GOLGA1: variants seen among roughly 807,000 people sequenced by gnomAD.
GOLGA1 encodes golgin subfamily A member 1.
GOLGA1 carries 63 observed loss-of-function variants against 119.7 expected under a neutral mutation model. The observed-to-expected ratio is 0.53, with a 90% confidence interval of 0.43 to 0.65. The LOEUF (loss-of-function observed/expected upper bound fraction) is 0.65, where lower values mean the gene tolerates loss of function less well. Among genes scored for constraint, GOLGA1 ranks in the 30% least tolerant of loss-of-function variants. The pLI, the probability that GOLGA1 is intolerant of heterozygous loss-of-function variation, is 0.00. For missense variants in GOLGA1, 798 were observed against 912.8 expected (o/e 0.87, Z 1.62); for synonymous variants, 318 against 333.4 (o/e 0.95, Z 0.50).
intron 19 of GOLGA1, 81 bp from the exon 20 acceptor site, chr9:124,882,650 G>T: frequency 8.8e-7 from 1 of 1,131,118 alleles, no homozygotes. Context: ...GATCCCACGG[G>T]ATCCCCTGTA....
chr9:124,916,895 A>C (rs1185541338), intron 10 of GOLGA1, among the ~76,000 whole-genome samples: 1 of 150,030 alleles, frequency 6.7e-6, no homozygotes, highest in Admixed American at 6.7e-5. Context: ...AAAAAAAAAA[A>C]AAAAAAACGA....
chr9:124,941,622 G>T (rs1264702915), upstream of GOLGA1, among the ~76,000 whole-genome samples: 1 of 152,240 alleles, frequency 6.6e-6, no homozygotes, highest in East Asian at 1.9e-4. Context: ...TTTGGCGCCT[G>T]TCACCTACTG....
intron 4 of GOLGA1, among the ~76,000 whole-genome samples, 165 bp downstream of exon 4, chr9:124,931,151 A>G (rs1447884560): frequency 3.3e-5 from 5 of 152,186 alleles, no homozygotes; most frequent in African/African-American, 1.2e-4. Flanking sequence ...AATTTATACT[A>G]TTTACTACAC....
chr9:124,945,937 T>C (rs893175607), upstream of GOLGA1: 26 of 152,106 alleles, frequency 1.7e-4, no homozygotes, highest in Admixed American at 1.4e-3. Context: ...AGTATCAATG[T>C]ATAAGAGCGC....
chr9:124,921,253 A>C lies in GOLGA1; in HGVS notation c.732-13T>G, dbSNP rs1484421261. On this transcript the variant is annotated splice_polypyrimidine_tract_variant and intron_variant, in intron 9 of 22. Transcript: ENST00000373555. The stretch of plus-strand genomic sequence containing the variant: ...TATCACATGATCTCTTCATCAAAAG[A>C]AAGCAGACAATGAACAAATTTGGAT... 23 of 1,504,314 alleles carry C rather than the reference A, an allele frequency of 1.5e-5. No homozygotes were observed. The highest frequency in any genetic ancestry group is 1.7e-4 in the Middle Eastern group (1 of 5,874). The allele number at this position is 1,504,314 out of a possible 1,614,324, so 93.2% of individuals were successfully genotyped here.
intron 8 of GOLGA1, among the ~76,000 whole-genome samples, chr9:124,922,295 G>C (rs1243695830): frequency 1.3e-5 from 2 of 151,862 alleles, no homozygotes; most frequent in Non-Finnish European, 2.9e-5. Flanking sequence ...GCTCACGCCT[G>C]TAATCCCACC....
chr9:124,899,501 T>G, intron 13 of GOLGA1, 23 bp from the exon 14 acceptor site: 1 of 1,539,822 alleles, frequency 6.5e-7, no homozygotes, highest in South Asian at 1.2e-5. Flanking sequence ...CAAAGGACGG[T>G]CAGTCAGGGT....
At chr9:124,933,304 G>T (rs1830806726) in intron 3 of GOLGA1, among the ~76,000 whole-genome samples, 1 of 152,202 alleles carries the variant, frequency 6.6e-6, no homozygotes, top group South Asian at 2.1e-4. Context: ...TGGGAACTTA[G>T]ATTTTGGGAG....
At chr9:124,893,740 G>C (rs1829906274) in intron 15 of GOLGA1, among the ~76,000 whole-genome samples, 1 of 152,118 alleles carries the variant, frequency 6.6e-6, no homozygotes, top group Non-Finnish European at 1.5e-5. Context: ...CTAACTCTGA[G>C]AAACTATGAA....
intron 4 of GOLGA1, among the ~76,000 whole-genome samples, chr9:124,929,946 A>G (rs373261341): frequency 7.2e-5 from 11 of 152,206 alleles, no homozygotes; most frequent in African/African-American, 2.7e-4. Flanking sequence ...CCTTAAGCAA[A>G]TTATTGGTCC....
rs1830054348 is a variant in GOLGA1 at position 124,899,495 on chromosome 9, G to C, written c.1162-17C>G. ...GGCGGCAGCCTGCGGGGAGACCAAA[G>C]GACGGTCAGTCAGGGTGACAATGGT... On this transcript the variant is annotated splice_polypyrimidine_tract_variant and intron_variant, in intron 13 of 22. Transcript: ENST00000373555. 7.8e-6 allele frequency: 12 copies of C among 1,541,414 alleles called. No homozygotes were observed. The highest frequency in any genetic ancestry group is 1.0e-5 in the Non-Finnish European group (12 of 1,147,904).
rs200131402 is a variant in GOLGA1, at chr9:124,881,900, T to A, written c.2020A>T (p.Met674Leu). Reference sequence around the variant, plus strand: ...GTGACGGAAGGCGCCATGTTTGCCATCTCAGGTCCAGGTTTCTCCCGGACT... The same window carrying A: ...GTGACGGAAGGCGCCATGTTTGCCAACTCAGGTCCAGGTTTCTCCCGGACT... ...FEVREKPGPE[M>L]ANMAPSVTNN... Residue 674 changes from methionine (M) to leucine (L), a missense_variant, in exon 21 of 23, where the codon ATG becomes TTG. Physicochemically the swap from Met to Leu is conservative, Grantham distance 15. Transcript: ENST00000373555. The surrounding 1 kb of genome is among the most constrained non-coding windows in gnomAD (Gnocchi z 4.9). 9.2e-5 allele frequency: 149 copies of A among 1,612,222 alleles called. No individual in the cohort carries two copies. The highest frequency in any genetic ancestry group is 1.2e-4 in the Non-Finnish European group (146 of 1,179,048).
chr9:124,879,817 A>G lies in GOLGA1; in HGVS notation c.*713T>C, dbSNP rs1829531735. ...GTTTAAAATGGTTTACCAGCAACCTATCCAAGACAAGTACATTCATTAAAA... is the reference window on the plus strand; with the variant it reads ...GTTTAAAATGGTTTACCAGCAACCTGTCCAAGACAAGTACATTCATTAAAA... On this transcript the variant is annotated 3_prime_UTR_variant, in exon 23 of 23. Coordinates refer to ENST00000373555, the MANE Select transcript of GOLGA1 (RefSeq NM_002077.4). The G allele has an allele frequency of 6.6e-6, 1 of 152,644 alleles. No individual in the cohort carries two copies. The highest frequency in any genetic ancestry group is 6.5e-5 in the Admixed American group (1 of 15,274). 9.5% of individuals were successfully genotyped at this position (152,644 alleles called of 1,614,324 possible). A position where few individuals can be genotyped will look rare whatever the true frequency, so the allele number is the denominator to read the frequency against.
chr9:124,894,380 TTGTGTGTG>T (rs35289660), intron 15 of GOLGA1, among the ~76,000 whole-genome samples: 9 of 147,832 alleles, frequency 6.1e-5, no homozygotes, highest in South Asian at 4.3e-4. Context: ...ATTTAAAGTT[TTGTGTGTG>T]TGTGTGTGTG....
At chr9:124,941,826 G>A (rs1273207220), upstream of GOLGA1, among the ~76,000 whole-genome samples, 6 of 152,294 alleles carry the variant, frequency 3.9e-5, no homozygotes, top group East Asian at 1.2e-3. Context: ...CGCTTCTGTG[G>A]TCCCAGCTAC....
upstream of GOLGA1, among the ~76,000 whole-genome samples, chr9:124,941,469 C>G (rs555367313): frequency 6.6e-6 from 1 of 152,352 alleles, no homozygotes; most frequent in South Asian, 2.1e-4. Context: ...AGGCGCCCCC[C>G]CGCGCCGCCC....
At position 124,938,568 on chromosome 9, in the gene GOLGA1, G is replaced by C; in HGVS notation, c.135+9C>G. On this transcript the variant is annotated intron_variant, in intron 3 of 22. Transcript: ENST00000373555. Reference sequence around the variant, plus strand: ...AAAGTATCTTTATTTCTTAAGTAAAGGTACTTACAAAGTCATCTCCTGAGT... The same window carrying C: ...AAAGTATCTTTATTTCTTAAGTAAACGTACTTACAAAGTCATCTCCTGAGT... 6.2e-7 allele frequency: 1 copy of C among 1,603,104 alleles called. No homozygotes were observed. Among genetic ancestry groups the C allele is most frequent in the South Asian group, 1.1e-5 (1 of 90,304 alleles).
intron 15 of GOLGA1, among the ~76,000 whole-genome samples, chr9:124,891,211 C>T (rs1262591898): frequency 6.6e-6 from 1 of 152,190 alleles, no homozygotes; most frequent in Non-Finnish European, 1.5e-5. Flanking sequence ...TAAGATCCAG[C>T]ACTGTGGGAG....
intron 10 of GOLGA1, among the ~76,000 whole-genome samples, chr9:124,916,691 T>C (rs1387922337): frequency 3.3e-5 from 5 of 151,678 alleles, no homozygotes; most frequent in African/African-American, 7.3e-5. Context: ...CTGGGCAACA[T>C]AGTGAGACCT....
Sources: allele counts gnomAD v4.1 joint callset (sites outside exome capture counted in the v4.1 genomes callset), GRCh38; gene constraint gnomAD v4.1.1; non-coding constraint Gnocchi (gnomAD v3.1); transcripts MANE v1.5; gene names NCBI Gene and HGNC (gene_info 2026-07-23, HGNC 2026-07-21).